SUGCT: variants seen among roughly 807,000 people sequenced by gnomAD.
SUGCT encodes the protein succinyl-CoA:glutarate-CoA transferase.
In SUGCT, 41 loss-of-function variants were observed where a neutral mutation model predicts 55.0. The observed-to-expected ratio is 0.74, with a 90% CI of 0.58 to 0.97. SUGCT has a LOEUF of 0.97. SUGCT is among the 50% of genes least tolerant of loss of function. The pLI is 0.00. For synonymous variants in SUGCT, 187 were observed against 200.4 expected (o/e 0.93, Z 0.56); for missense variants, 568 against 547.8 (o/e 1.04, Z -0.37).
rs367937865 is a variant in SUGCT, at chr7:40,217,207, A to C, written c.485-20428A>C. ...CCTGTCTTGAATTGATTCCAGAATT[A>C]TTCTTCTTCTTCTTTTTTTTAAGAC... On this transcript the variant is annotated intron_variant, in intron 6 of 13. Transcript: ENST00000335693. Among the ~76,000 whole-genome samples, 268 of 151,778 alleles carry C rather than the reference A, an allele frequency of 1.8e-3. 1 individual carries two copies. The highest frequency in any genetic ancestry group is 3.6e-3 in the Admixed American group (54 of 15,202).
chr7:40,999,353 T>G, the SUGCT span, among the ~76,000 whole-genome samples: 35 of 152,160 alleles, frequency 2.3e-4, no homozygotes, highest in Non-Finnish European at 4.0e-4. Flanking sequence ...TTTCAATTCT[T>G]TCATGCCTGG....
intron 13 of SUGCT, among the ~76,000 whole-genome samples, chr7:40,827,248 C>T (rs1434540393): frequency 6.6e-6 from 1 of 152,106 alleles, no homozygotes; most frequent in Non-Finnish European, 1.5e-5. Context: ...GTGCAAATGG[C>T]AAAGGATCAA....
chr7:40,783,523 A>G lies in SUGCT; in HGVS notation c.1153+34026A>G, dbSNP rs186101029. The G allele has an allele frequency of 4.6e-5, 7 of 152,252 alleles. No homozygotes were observed. In the East Asian group the frequency reaches 1.4e-3, roughly 29 times the overall value. 9.4% of individuals were successfully genotyped at this position (152,252 alleles called of 1,614,324 possible). A position where few individuals can be genotyped will look rare whatever the true frequency, so the allele number is the denominator to read the frequency against. ...TTGTTCCTGTTTATTTTAGAGCACT[A>G]ACAGGAGTGGTGGTAAGAGGCCCAT... On this transcript the variant is annotated intron_variant, in intron 13 of 13. Coordinates refer to ENST00000335693, the MANE Select transcript of SUGCT (RefSeq NM_001193313.2).
intron 12 of SUGCT, chr7:40,683,923 T>A: frequency 7.7e-7 from 1 of 1,299,340 alleles, no homozygotes; most frequent in Non-Finnish European, 1.0e-6. Context: ...AAAATCAAGG[T>A]GCTGGCAGAT....
At chr7:40,565,886 A>G (rs1368163065) in intron 12 of SUGCT, among the ~76,000 whole-genome samples, 1 of 151,926 alleles carries the variant, frequency 6.6e-6, no homozygotes, top group Non-Finnish European at 1.5e-5. Flanking sequence ...CTCTGCTCAA[A>G]TGTCACCTCA....
intron 1 of SUGCT, among the ~76,000 whole-genome samples, chr7:40,172,923 G>A (rs1326339486): frequency 6.6e-6 from 1 of 152,196 alleles, no homozygotes; most frequent in Non-Finnish European, 1.5e-5. Context: ...TGATTCTAAG[G>A]AAGGATAGGA....
intron 12 of SUGCT, among the ~76,000 whole-genome samples, chr7:40,690,042 A>G (rs1191697421): frequency 1.3e-5 from 2 of 152,188 alleles, no homozygotes; most frequent in Non-Finnish European, 2.9e-5. Context: ...CCATACTACA[A>G]AGAATTTCAA....
chr7:40,479,297 G>A (rs1428502743), intron 11 of SUGCT, among the ~76,000 whole-genome samples: 1 of 151,990 alleles, frequency 6.6e-6, no homozygotes, highest in Non-Finnish European at 1.5e-5. Flanking sequence ...GTAGCATAGC[G>A]GTCCCATAAG....
intron 12 of SUGCT, among the ~76,000 whole-genome samples, chr7:40,555,301 C>CA (rs1795501431): frequency 6.9e-6 from 1 of 144,294 alleles, no homozygotes; most frequent in South Asian, 2.2e-4. Context: ...TCCTCTTTGT[C>CA]TTTTTTTTTT....
intron 8 of SUGCT, among the ~76,000 whole-genome samples, chr7:40,292,049 T>C (rs1015477188): frequency 3.9e-5 from 6 of 152,162 alleles, no homozygotes; most frequent in Non-Finnish European, 4.4e-5. Flanking sequence ...CCACTAAGTT[T>C]AGGGGCAATT....
intron 9 of SUGCT, among the ~76,000 whole-genome samples, chr7:40,324,047 C>A (rs988885637): frequency 6.6e-6 from 1 of 151,868 alleles, no homozygotes; most frequent in Non-Finnish European, 1.5e-5. Context: ...AAGAGAACTA[C>A]CTTATCTTTT....
intron 1 of SUGCT, among the ~76,000 whole-genome samples, chr7:40,145,102 A>G (rs781132861): frequency 6.6e-6 from 1 of 152,096 alleles, no homozygotes; most frequent in Admixed American, 6.5e-5. Context: ...ACTTTAGCCA[A>G]TATGTTTACA....
intron 8 of SUGCT, among the ~76,000 whole-genome samples, chr7:40,287,012 A>T (rs74478477): frequency 1.3e-5 from 2 of 152,156 alleles, no homozygotes; most frequent in African/African-American, 2.4e-5. Flanking sequence ...GAAGGTTGAC[A>T]TGGCTTCTGG....
At chr7:40,851,216 C>G (rs912276575) in intron 13 of SUGCT, among the ~76,000 whole-genome samples, 5 of 152,158 alleles carry the variant, frequency 3.3e-5, no homozygotes, top group Non-Finnish European at 7.3e-5. Context: ...ATGAAGTCAA[C>G]AGATCTATAT....
chr7:41,008,725 A>C, the SUGCT span, among the ~76,000 whole-genome samples: 3 of 151,522 alleles, frequency 2.0e-5, no homozygotes, highest in Admixed American at 1.3e-4. Flanking sequence ...AGTCACTATA[A>C]ATGACGCTGC....
chr7:40,184,764 A>T (rs916463184), intron 3 of SUGCT, among the ~76,000 whole-genome samples: 1 of 152,250 alleles, frequency 6.6e-6, no homozygotes, highest in African/African-American at 2.4e-5. Flanking sequence ...GTGTGTATGT[A>T]TCTCTAAGAC....
At chr7:40,854,430 TTCTTTC>T (rs1402422236) in intron 13 of SUGCT, among the ~76,000 whole-genome samples, 4 of 139,536 alleles carry the variant, frequency 2.9e-5, no homozygotes, top group Non-Finnish European at 6.1e-5. Context: ...CTTTCTTTCT[TTCTTTC>T]TTTCTTTCTT....
At position 40,195,006 on chromosome 7, in the gene SUGCT, G is replaced by C; in HGVS notation, c.430G>C (p.Gly144Arg). 6.2e-7 allele frequency: 1 copy of C among 1,613,698 alleles called. No individual in the cohort carries two copies. The highest frequency in any genetic ancestry group is 8.5e-7 in the Non-Finnish European group (1 of 1,179,774). The change falls in exon 6 of 14, where the codon GGA (glycine) becomes CGA (arginine). Residue 144 changes from glycine to arginine, a missense_variant. Transcript: ENST00000335693. ...VPGKLSAMGL[G>R]YEDIDEIAPH... ...TGGCAAACTGTCTGCAATGGGCCTG[G>C]GATATGAAGATATAGACGAGATTGC... is the stretch of plus-strand genomic sequence containing the variant.
intron 9 of SUGCT, among the ~76,000 whole-genome samples, chr7:40,364,976 C>G (rs1240423780): frequency 2.6e-5 from 4 of 152,090 alleles, no homozygotes; most frequent in African/African-American, 9.7e-5. Context: ...GAATTTTAGA[C>G]CAATATCCTT....
Sources: gnomAD v4.1 joint callset for allele counts (sites outside exome capture counted in the v4.1 genomes callset) on GRCh38, gnomAD v4.1.1 for gene constraint, MANE v1.5 for transcripts, NCBI Gene and HGNC (gene_info 2026-07-23, HGNC 2026-07-21) for gene names.